Variants in OPCML observed in about 807,000 individuals in gnomAD.
OPCML encodes opioid binding protein/cell adhesion molecule like.
A neutral mutation model predicts 37.8 loss-of-function variants in OPCML; 13 were observed. That is an observed-to-expected ratio of 0.34 (90% CI 0.22 to 0.55). The LOEUF (loss-of-function observed/expected upper bound fraction) is 0.55. Among genes scored for constraint, OPCML ranks in the 20% least tolerant of loss-of-function variants. The pLI is 0.91. For synonymous variants in OPCML, 176 were observed against 168.8 expected (o/e 1.04, Z -0.33); for missense variants, 341 against 435.6 (o/e 0.78, Z 1.93).
chr11:132,857,880 T>G (rs928935575), intron 2 of OPCML, among the ~76,000 whole-genome samples: 1 of 152,124 alleles, frequency 6.6e-6, no homozygotes, highest in African/African-American at 2.4e-5. Context: ...ATTTTAAGCA[T>G]GTAAAAAGGC....
intron 2 of OPCML, among the ~76,000 whole-genome samples, chr11:132,784,379 C>G (rs903151448): frequency 2.6e-5 from 4 of 152,100 alleles, no homozygotes; most frequent in African/African-American, 9.7e-5. Context: ...AGCCCATCTA[C>G]CTCTTCTCCA....
chr11:132,417,343 A>AT lies in OPCML; in HGVS notation c.*2849dup, dbSNP rs2095942236. 1 of 152,156 alleles carries AT rather than the reference A, an allele frequency of 6.6e-6. No homozygotes were observed. Among genetic ancestry groups the AT allele is most frequent in the African/African-American group, 2.4e-5 (1 of 41,408 alleles). The allele number at this position is 152,156 out of a possible 1,614,324, so 9.4% of individuals were successfully genotyped here. On this transcript the variant is annotated 3_prime_UTR_variant, in exon 8 of 8. Coordinates refer to ENST00000524381, the MANE Select transcript of OPCML (RefSeq NM_001012393.5). The stretch of plus-strand genomic sequence containing the variant: ...GAAATATGTCTGTTGTGAAGAAGTC[A>AT]TTTTCACTCCCAGTGAGTACCCCAG...
At chr11:132,843,459 G>T (rs963933804) in intron 2 of OPCML, among the ~76,000 whole-genome samples, 2 of 152,040 alleles carry the variant, frequency 1.3e-5, no homozygotes, top group African/African-American at 4.8e-5. Context: ...TGATGCAACG[G>T]TTCTAGAAAA....
chr11:133,169,757 G>A (rs1950262126), intron 1 of OPCML, among the ~76,000 whole-genome samples: 1 of 152,148 alleles, frequency 6.6e-6, no homozygotes, highest in African/African-American at 2.4e-5. Context: ...GAGACATGCA[G>A]TTAATATTCA....
chr11:132,579,132 A>G (rs1008998482), intron 3 of OPCML, among the ~76,000 whole-genome samples: 3 of 152,146 alleles, frequency 2.0e-5, no homozygotes, highest in Non-Finnish European at 4.4e-5. Flanking sequence ...AATCAAACAA[A>G]TGTGGTAACA....
chr11:133,472,188 C>T (rs1947131627), intron 1 of OPCML, among the ~76,000 whole-genome samples: 1 of 152,146 alleles, frequency 6.6e-6, no homozygotes, highest in Non-Finnish European at 1.5e-5. Context: ...CAACATTTCA[C>T]CACTAATCCT....
chr11:133,494,597 C>T (rs7125845), intron 1 of OPCML, among the ~76,000 whole-genome samples: 45,936 of 140,530 alleles, frequency 0.33, 9,218 homozygotes, highest in African/African-American at 0.56. Flanking sequence ...TGGAAACCAT[C>T]ATTCTCAGTA....
At chr11:132,469,615 A>G (rs1238329633) in intron 4 of OPCML, among the ~76,000 whole-genome samples, 3 of 89,746 alleles carry the variant, frequency 3.3e-5, no homozygotes, top group Admixed American at 1.6e-4. Context: ...GCATGTGTGT[A>G]TGTGTGTGGG....
At chr11:132,580,131 G>A (rs2096459299) in intron 3 of OPCML, among the ~76,000 whole-genome samples, 1 of 152,152 alleles carries the variant, frequency 6.6e-6, no homozygotes, top group African/African-American at 2.4e-5. Flanking sequence ...GGACAACGCA[G>A]GCTCTGTCTT....
intron 3 of OPCML, among the ~76,000 whole-genome samples, chr11:132,631,956 A>T (rs1458847143): frequency 6.6e-6 from 1 of 152,120 alleles, no homozygotes; most frequent in Non-Finnish European, 1.5e-5. Context: ...CTAAGGACCT[A>T]TTCACAGAAG....
chr11:133,358,876 A>G (rs911369879), intron 1 of OPCML, among the ~76,000 whole-genome samples: 3 of 152,044 alleles, frequency 2.0e-5, no homozygotes, highest in African/African-American at 7.2e-5. Flanking sequence ...GAATAACAAG[A>G]ACAACGGTGC....
chr11:132,750,897 GC>G (rs1247925343), intron 2 of OPCML, among the ~76,000 whole-genome samples: 2 of 151,720 alleles, frequency 1.3e-5, no homozygotes, highest in African/African-American at 4.8e-5. Context: ...TTCCAGGTCT[GC>G]CTTCTGGGTA....
intron 1 of OPCML, among the ~76,000 whole-genome samples, chr11:132,968,792 G>A (rs1167394101): frequency 6.6e-6 from 1 of 152,046 alleles, no homozygotes; most frequent in Admixed American, 6.6e-5. Flanking sequence ...ATGGACTATC[G>A]TGTCATCAGC....
At chr11:133,375,069 C>T (rs1011563137) in intron 1 of OPCML, among the ~76,000 whole-genome samples, 2 of 152,172 alleles carry the variant, frequency 1.3e-5, no homozygotes, top group African/African-American at 2.4e-5. Context: ...CTCTCTCACT[C>T]CTGCAAAGCA....
chr11:132,620,987 G>A (rs528371740), intron 3 of OPCML, among the ~76,000 whole-genome samples: 82 of 152,334 alleles, frequency 5.4e-4, no homozygotes, highest in African/African-American at 1.9e-3. Context: ...AGGTATCTGA[G>A]CAAGCAAACA....
chr11:133,445,542 G>T (rs955321408), intron 1 of OPCML, among the ~76,000 whole-genome samples: 11 of 152,216 alleles, frequency 7.2e-5, no homozygotes, highest in African/African-American at 2.7e-4. Flanking sequence ...CCAACAGTTA[G>T]CAAATGCTGC....
chr11:133,276,013 T>C (rs1941983463), intron 1 of OPCML, among the ~76,000 whole-genome samples: 1 of 152,136 alleles, frequency 6.6e-6, no homozygotes, highest in African/African-American at 2.4e-5. Flanking sequence ...GAGAGATGGT[T>C]AGAAAATGAA....
chr11:133,011,615 G>A (rs1947215798), intron 1 of OPCML, among the ~76,000 whole-genome samples: 1 of 150,276 alleles, frequency 6.7e-6, no homozygotes, highest in East Asian at 1.9e-4. Flanking sequence ...TTTTTTCCAG[G>A]TATATTGTTT....
intron 3 of OPCML, among the ~76,000 whole-genome samples, chr11:132,535,310 G>T (rs997656282): frequency 2.0e-5 from 3 of 152,068 alleles, no homozygotes; most frequent in Non-Finnish European, 2.9e-5. Context: ...TGTGTATGAA[G>T]AAATTGGCTT....
Sources: gnomAD v4.1 joint callset for allele counts (sites outside exome capture counted in the v4.1 genomes callset) on GRCh38, gnomAD v4.1.1 for gene constraint, MANE v1.5 for transcripts, NCBI Gene and HGNC (gene_info 2026-07-23, HGNC 2026-07-21) for gene names.